Variants in GALNTL6 observed in about 807,000 individuals in gnomAD.
GALNTL6 encodes polypeptide N-acetylgalactosaminyltransferase-like 6.
In GALNTL6, 46 loss-of-function variants were observed where a neutral mutation model predicts 73.7. The observed-to-expected ratio is 0.62, with a 90% confidence interval of 0.49 to 0.80. The LOEUF (loss-of-function observed/expected upper bound fraction) is 0.80, where lower values mean the gene tolerates loss of function less well. GALNTL6 is among the 30% of genes least tolerant of loss of function. GALNTL6 has a pLI of 0.00. For synonymous variants in GALNTL6, 259 were observed against 263.7 expected (o/e 0.98, Z 0.17); for missense variants, 604 against 755.0 (o/e 0.80, Z 2.34).
chr4:172,876,053 A>G (rs1363256945), intron 7 of GALNTL6, among the ~76,000 whole-genome samples: 1 of 152,204 alleles, frequency 6.6e-6, no homozygotes, highest in African/African-American at 2.4e-5. Flanking sequence ...CTCACACAAT[A>G]TTTATGGCTA....
At chr4:172,687,130 C>A (rs986293717) in intron 5 of GALNTL6, among the ~76,000 whole-genome samples, 1 of 152,022 alleles carries the variant, frequency 6.6e-6, no homozygotes, top group African/African-American at 2.4e-5. Context: ...AATTTTTTTC[C>A]TACCAAGTCA....
intron 5 of GALNTL6, among the ~76,000 whole-genome samples, chr4:172,378,703 TTATTAA>T (rs1376489922): frequency 6.6e-6 from 1 of 152,106 alleles, no homozygotes; most frequent in East Asian, 1.9e-4. Context: ...ATATCATAAA[TTATTAA>T]TAATATACAA....
intron 12 of GALNTL6, among the ~76,000 whole-genome samples, chr4:173,021,836 T>C (rs1373213897): frequency 6.6e-6 from 1 of 151,076 alleles, no homozygotes; most frequent in Admixed American, 6.6e-5. Context: ...CTACTGAAAA[T>C]ACAAAAAAAA....
chr4:172,039,427 G>A (rs1024770032), intron 2 of GALNTL6, among the ~76,000 whole-genome samples: 5 of 152,132 alleles, frequency 3.3e-5, no homozygotes, highest in Non-Finnish European at 4.4e-5. Flanking sequence ...CAGACAAATG[G>A]TGAGGGTAGA....
intron 3 of GALNTL6, among the ~76,000 whole-genome samples, chr4:172,243,510 A>G (rs836321): frequency 0.54 from 81,417 of 151,922 alleles, 22,988 homozygotes; most frequent in East Asian, 0.86. Context: ...GGCTTTTGGA[A>G]TAACGGCACT....
At chr4:172,218,421 A>C (rs1266428111) in intron 2 of GALNTL6, among the ~76,000 whole-genome samples, 8 of 152,072 alleles carry the variant, frequency 5.3e-5, no homozygotes, top group African/African-American at 1.7e-4. Flanking sequence ...CTTAGTGTAC[A>C]ATGGGGGCTC....
chr4:172,081,414 C>G (rs60958807), intron 2 of GALNTL6, among the ~76,000 whole-genome samples: 4,473 of 152,176 alleles, frequency 0.029, 137 homozygotes, highest in African/African-American at 0.072. Flanking sequence ...CCAAGGCAGG[C>G]GAATCATGAG....
intron 5 of GALNTL6, among the ~76,000 whole-genome samples, chr4:172,514,642 A>G (rs887711505): frequency 5.3e-5 from 8 of 152,074 alleles, no homozygotes; most frequent in East Asian, 1.9e-4. Flanking sequence ...AAATTACTAC[A>G]AAGTTCAGCT....
At chr4:173,006,060 G>T (rs1752264521) in intron 10 of GALNTL6, among the ~76,000 whole-genome samples, 1 of 152,112 alleles carries the variant, frequency 6.6e-6, no homozygotes, top group Non-Finnish European at 1.5e-5. Flanking sequence ...TTCCTGGCTT[G>T]GGTATGTTTT....
chr4:171,994,831 G>T (rs1740441581), intron 2 of GALNTL6, among the ~76,000 whole-genome samples: 1 of 151,924 alleles, frequency 6.6e-6, no homozygotes, highest in East Asian at 1.9e-4. Context: ...AAAAAAACTA[G>T]AATTGGAGAG....
intron 10 of GALNTL6, among the ~76,000 whole-genome samples, chr4:173,006,753 C>T (rs1005941524): frequency 1.3e-5 from 2 of 152,162 alleles, no homozygotes; most frequent in Non-Finnish European, 2.9e-5. Flanking sequence ...GGCATTTTCC[C>T]TAATTCAGGG....
intron 5 of GALNTL6, among the ~76,000 whole-genome samples, chr4:172,701,248 A>T (rs2111291473): frequency 6.6e-6 from 1 of 152,240 alleles, no homozygotes; most frequent in South Asian, 2.1e-4. Flanking sequence ...GCCTAGACAG[A>T]CTTCAGATAT....
intron 4 of GALNTL6, among the ~76,000 whole-genome samples, chr4:172,317,129 A>G (rs773741973): frequency 3.9e-5 from 6 of 152,206 alleles, no homozygotes; most frequent in Non-Finnish European, 5.9e-5. Context: ...ACTTACATGA[A>G]GTACTTACAA....
chr4:172,225,198 G>A lies in GALNTL6; in HGVS notation c.139-4458G>A, dbSNP rs1179361417. ...ATCCAAAAGAGACGCAAATGGGTCT[G>A]GGCGCTGGAGATTGCTCATGTTAAA... On this transcript the variant is annotated intron_variant, in intron 2 of 12. Transcript: ENST00000506823. 2.0e-5 allele frequency among the ~76,000 whole-genome samples: 3 copies of A among 151,920 alleles called. No individual in the cohort carries two copies. In the East Asian group the frequency reaches 5.8e-4, roughly 30 times the overall value.
At chr4:172,339,731 T>A (rs886967342) in intron 4 of GALNTL6, among the ~76,000 whole-genome samples, 1 of 152,136 alleles carries the variant, frequency 6.6e-6, no homozygotes, top group African/African-American at 2.4e-5. Flanking sequence ...CCTGGACAAA[T>A]CCCCAGTGGA....
chr4:172,993,496 A>G (rs1461671676), intron 10 of GALNTL6, among the ~76,000 whole-genome samples: 1 of 152,208 alleles, frequency 6.6e-6, no homozygotes, highest in Non-Finnish European at 1.5e-5. Context: ...CTCCTGAAGA[A>G]TGGCTTACTG....
chr4:172,911,661 C>A (rs1717179576), intron 8 of GALNTL6, among the ~76,000 whole-genome samples: 1 of 152,150 alleles, frequency 6.6e-6, no homozygotes, highest in African/African-American at 2.4e-5. Flanking sequence ...CAAAGATAAA[C>A]AGAAACAGCT....
chr4:172,326,689 T>C (rs1176075722), intron 4 of GALNTL6, among the ~76,000 whole-genome samples: 1 of 151,988 alleles, frequency 6.6e-6, no homozygotes, highest in Non-Finnish European at 1.5e-5. Context: ...ATTATTGATA[T>C]GTTGTCTTAA....
chr4:172,298,754 C>T (rs528638614), intron 3 of GALNTL6, among the ~76,000 whole-genome samples: 4 of 152,146 alleles, frequency 2.6e-5, no homozygotes, highest in Non-Finnish European at 5.9e-5. Context: ...TGATGTGCTG[C>T]TGAATTCGGT....
Sources: gnomAD v4.1 joint callset for allele counts (sites outside exome capture counted in the v4.1 genomes callset) on GRCh38, gnomAD v4.1.1 for gene constraint, MANE v1.5 for transcripts, NCBI Gene and HGNC (gene_info 2026-07-23, HGNC 2026-07-21) for gene names.